The following TBC1D5 variants were observed in gnomAD, a reference collection of about 807,000 sequenced individuals.
TBC1D5 encodes the protein TBC1 domain family member 5.
TBC1D5 carries 75 observed loss-of-function variants against 100.3 expected under a neutral mutation model. That is an observed-to-expected ratio of 0.75 (90% CI 0.62 to 0.91). TBC1D5 has a LOEUF of 0.91. Among genes scored for constraint, TBC1D5 ranks in the 40% least tolerant of loss-of-function variants. TBC1D5 has a pLI of 0.00. For missense variants in TBC1D5, 910 were observed against 942.4 expected (o/e 0.97, Z 0.45); for synonymous variants, 323 against 325.6 (o/e 0.99, Z 0.09).
intron 12 of TBC1D5, among the ~76,000 whole-genome samples, chr3:17,373,490 T>C (rs1010392634): frequency 2.6e-5 from 4 of 152,132 alleles, no homozygotes; most frequent in East Asian, 3.8e-4. Context: ...TTTGAAAATA[T>C]AGTTAACTCA....
chr3:17,293,070 T>C (rs1208730691), intron 14 of TBC1D5, among the ~76,000 whole-genome samples: 4 of 152,224 alleles, frequency 2.6e-5, no homozygotes, highest in Admixed American at 2.0e-4. Context: ...TGAATAATTA[T>C]AATCTATGTA....
chr3:17,515,910 C>T (rs879357945), intron 2 of TBC1D5, among the ~76,000 whole-genome samples: 1 of 152,080 alleles, frequency 6.6e-6, no homozygotes, highest in East Asian at 1.9e-4. Context: ...TCTTTGGAAT[C>T]GTTATCAAAT....
intron 1 of TBC1D5, among the ~76,000 whole-genome samples, chr3:17,660,836 C>T (rs1577297873): frequency 1.3e-5 from 2 of 152,178 alleles, no homozygotes; most frequent in East Asian, 1.9e-4. Context: ...GGCAGAACCA[C>T]CATAATTTTT....
Position 17,629,607 on chromosome 3 carries a change from G to A in TBC1D5, c.-100-5694C>T, listed in dbSNP as rs542059585. Among the ~76,000 whole-genome samples the A allele has an allele frequency of 1.1e-4, 16 of 152,310 alleles. No individual in the cohort carries two copies. The East Asian group carries it at 1.9e-3, about 18-fold the overall frequency. On this transcript the variant is annotated intron_variant, in intron 1 of 21. Transcript: ENST00000253692. The stretch of plus-strand genomic sequence containing the variant: ...ACTAGTTACTTTGCTACTAAACACT[G>A]AGGAATGTGAGAAAAATAAGCTTTA...
At chr3:17,344,944 G>T (rs941475395) in intron 13 of TBC1D5, among the ~76,000 whole-genome samples, 4 of 152,060 alleles carry the variant, frequency 2.6e-5, no homozygotes, top group African/African-American at 9.7e-5. Flanking sequence ...TTAAACGTTA[G>T]ACCTAAAACC....
intron 19 of TBC1D5, among the ~76,000 whole-genome samples, chr3:17,182,864 G>C (rs975482038): frequency 6.6e-6 from 1 of 152,020 alleles, no homozygotes; most frequent in Non-Finnish European, 1.5e-5. Flanking sequence ...AAGAGAATGA[G>C]TTGTGTTTTT....
chr3:17,495,237 A>G (rs1433527449), intron 3 of TBC1D5, among the ~76,000 whole-genome samples: 2 of 152,218 alleles, frequency 1.3e-5, no homozygotes, highest in Non-Finnish European at 2.9e-5. Context: ...AGCTTCCTGC[A>G]TTTTATACTT....
intron 3 of TBC1D5, among the ~76,000 whole-genome samples, chr3:17,470,611 G>A (rs1420525098): frequency 6.6e-6 from 1 of 152,128 alleles, no homozygotes; most frequent in African/African-American, 2.4e-5. Context: ...ACTACTGTGA[G>A]AAATCTGAAT....
intron 3 of TBC1D5, among the ~76,000 whole-genome samples, chr3:17,473,756 TG>T (rs1349065150): frequency 6.6e-6 from 1 of 152,194 alleles, no homozygotes; most frequent in Admixed American, 6.5e-5. Flanking sequence ...TTTACTGAAG[TG>T]TTTTTTAAAA....
At chr3:17,494,182 T>C (rs2095673494) in intron 3 of TBC1D5, among the ~76,000 whole-genome samples, 1 of 152,118 alleles carries the variant, frequency 6.6e-6, no homozygotes. Flanking sequence ...TGTGGTTTGC[T>C]TGGGGTCCAC....
At chr3:17,462,108 C>A in intron 3 of TBC1D5, among the ~76,000 whole-genome samples, 1 of 151,932 alleles carries the variant, frequency 6.6e-6, no homozygotes, top group Middle Eastern at 3.4e-3. Context: ...AGATTTAAAT[C>A]TTTTCAAAAA....
intron 18 of TBC1D5, among the ~76,000 whole-genome samples, chr3:17,212,080 G>A (rs972857929): frequency 1.3e-5 from 2 of 149,626 alleles, no homozygotes; most frequent in Non-Finnish European, 3.0e-5. Flanking sequence ...AAGGTTAATA[G>A]TTTGTTTGTT....
Position 17,404,858 on chromosome 3 carries a change from T to C in TBC1D5, c.366+14A>G. Reference sequence around the variant, plus strand: ...AGAAAACAATTACATTAATTAAATATACTATTTACTTACTATTTCTTTAAT... The same window carrying C: ...AGAAAACAATTACATTAATTAAATACACTATTTACTTACTATTTCTTTAAT... On this transcript the variant is annotated intron_variant, in intron 6 of 21. Transcript: ENST00000253692. 1 of 1,536,698 alleles carries C rather than the reference T, an allele frequency of 6.5e-7. No individual in the cohort carries two copies. Among genetic ancestry groups the C allele is most frequent in the South Asian group, 1.2e-5 (1 of 84,184 alleles).
At chr3:17,656,798 A>G (rs1026273488) in intron 1 of TBC1D5, among the ~76,000 whole-genome samples, 1 of 150,340 alleles carries the variant, frequency 6.7e-6, no homozygotes, top group Non-Finnish European at 1.5e-5. Context: ...GATGAACTAG[A>G]TATTTTATTT....
At chr3:17,336,656 T>C (rs559201194) in intron 13 of TBC1D5, among the ~76,000 whole-genome samples, 2 of 151,798 alleles carry the variant, frequency 1.3e-5, no homozygotes, top group African/African-American at 4.8e-5. Flanking sequence ...GAATTAAATA[T>C]AATTGGCCCT....
At chr3:17,598,259 G>T (rs1276873674) in intron 2 of TBC1D5, among the ~76,000 whole-genome samples, 1 of 152,116 alleles carries the variant, frequency 6.6e-6, no homozygotes, top group African/African-American at 2.4e-5. Flanking sequence ...TAAGGCATGG[G>T]AGTTTTCAAA....
intron 1 of TBC1D5, among the ~76,000 whole-genome samples, chr3:17,638,873 T>C (rs1439822215): frequency 3.3e-5 from 5 of 152,102 alleles, no homozygotes; most frequent in Non-Finnish European, 5.9e-5. Context: ...TAATAAATAC[T>C]GACAAGGATG....
chr3:17,662,078 C>T (rs190077026), intron 1 of TBC1D5, among the ~76,000 whole-genome samples: 1 of 152,174 alleles, frequency 6.6e-6, no homozygotes, highest in Admixed American at 6.5e-5. Flanking sequence ...TTTGTAGAGA[C>T]AGGGTCTCGC....
At chr3:17,643,176 G>A (rs147791473) in intron 1 of TBC1D5, among the ~76,000 whole-genome samples, 45 of 152,006 alleles carry the variant, frequency 3.0e-4, no homozygotes, top group East Asian at 9.6e-4. Flanking sequence ...GTGCTAGTCC[G>A]TTATTTTGTA....
Sources: allele counts gnomAD v4.1 joint callset (sites outside exome capture counted in the v4.1 genomes callset), GRCh38; gene constraint gnomAD v4.1.1; transcripts MANE v1.5; gene names NCBI Gene and HGNC (gene_info 2026-07-23, HGNC 2026-07-21).